Variants in KCNMB4 observed in about 807,000 individuals in gnomAD.
The protein encoded by KCNMB4 is potassium calcium-activated channel subfamily M regulatory beta subunit 4.
Under a neutral mutation model 20.7 loss-of-function variants are expected in KCNMB4, and 3 were observed. The ratio of observed to expected loss-of-function variants is 0.14; its 90% CI spans 0.07 to 0.37. KCNMB4 has a LOEUF of 0.37. Among genes scored for constraint, KCNMB4 ranks in the 10% least tolerant of loss-of-function variants. The probability of loss-of-function intolerance (pLI) is 1.00; values close to 1 mark genes in which losing one functional copy is unlikely to be tolerated. For synonymous variants in KCNMB4, 110 were observed against 113.4 expected (o/e 0.97, Z 0.19); for missense variants, 168 against 265.9 (o/e 0.63, Z 2.56).
rs537545030 is a variant in KCNMB4, at chr12:70,415,653, A to T, written c.465-14832A>T. Among the ~76,000 whole-genome samples the T allele has an allele frequency of 2.6e-5, 4 of 152,298 alleles. No individual in the cohort carries two copies. In the East Asian group the frequency reaches 7.7e-4, roughly 29 times the overall value. On this transcript the variant is annotated intron_variant, in intron 2 of 2. Transcript: ENST00000258111. ...TTCCCCATTTTTTCACCAAACTCTA[A>T]TCTGTTCTTTCATGTCTGCTGAAAA...
intron 1 of KCNMB4, among the ~76,000 whole-genome samples, chr12:70,375,726 G>A (rs944547401): frequency 6.6e-6 from 1 of 152,106 alleles, no homozygotes; most frequent in African/African-American, 2.4e-5. Context: ...TAGTAGTTCC[G>A]TGTTGGGGTT....
chr12:70,423,294 C>G (rs1454536005), intron 2 of KCNMB4, among the ~76,000 whole-genome samples: 1 of 152,160 alleles, frequency 6.6e-6, no homozygotes, highest in Admixed American at 6.5e-5. Context: ...TGGGCAGCAA[C>G]TCTTGTACAA....
At chr12:70,381,087 T>A (rs1394512452) in intron 1 of KCNMB4, among the ~76,000 whole-genome samples, 1 of 151,604 alleles carries the variant, frequency 6.6e-6, no homozygotes, top group Non-Finnish European at 1.5e-5. Flanking sequence ...GGGCAAAGGA[T>A]GTGAATAGTT....
Position 70,402,380 on chromosome 12 carries a change from C to T in KCNMB4, c.464+2044C>T, listed in dbSNP as rs553514766. ...ATGCAAGGCCAGGCATGGTGGTTCACGCCTGTAATCCCAACACCGTGGAAG... is the reference window on the plus strand; with the variant it reads ...ATGCAAGGCCAGGCATGGTGGTTCATGCCTGTAATCCCAACACCGTGGAAG... On this transcript the variant is annotated intron_variant, in intron 2 of 2. Transcript: ENST00000258111. Among the ~76,000 whole-genome samples, 7 of 152,108 alleles carry T rather than the reference C, an allele frequency of 4.6e-5. No homozygotes were observed. In the South Asian group the frequency reaches 1.2e-3, roughly 27 times the overall value.
chr12:70,419,707 G>T (rs1308253575), intron 2 of KCNMB4, among the ~76,000 whole-genome samples: 1 of 152,122 alleles, frequency 6.6e-6, no homozygotes, highest in Non-Finnish European at 1.5e-5. Flanking sequence ...GAAGAACCAA[G>T]AATCTTTGGG....
intron 2 of KCNMB4, among the ~76,000 whole-genome samples, chr12:70,423,674 C>G (rs1380127354): frequency 6.6e-6 from 1 of 152,074 alleles, no homozygotes; most frequent in East Asian, 1.9e-4. Context: ...GACAGGGTCT[C>G]CCTATGTTGC....
intron 2 of KCNMB4, among the ~76,000 whole-genome samples, chr12:70,423,113 A>AT (rs1375144730): frequency 2.6e-5 from 4 of 152,054 alleles, no homozygotes; most frequent in Admixed American, 6.6e-5. Flanking sequence ...CTACTGAATT[A>AT]TTTTTTTCCT....
chr12:70,400,689 C>T (rs773659252), intron 2 of KCNMB4, among the ~76,000 whole-genome samples: 21 of 152,132 alleles, frequency 1.4e-4, no homozygotes, highest in African/African-American at 4.3e-4. Flanking sequence ...TCTGATGAAG[C>T]GTCAATAACG....
intron 2 of KCNMB4, among the ~76,000 whole-genome samples, chr12:70,424,595 C>T (rs1869158849): frequency 6.6e-6 from 1 of 151,952 alleles, no homozygotes; most frequent in Non-Finnish European, 1.5e-5. Flanking sequence ...ACTAAACGTA[C>T]AAAAATTAGC....
rs758535497 is a variant in KCNMB4 at position 70,366,791 on chromosome 12, G to A, written c.57G>A (p.Arg19=). ...EYTEAEDKSI[R]LGLFLIISGV... Reference sequence around the variant, plus strand: ...CGGAAGCCGAGGACAAGAGCATCCGGCTCGGCTTGTTTCTCATCATCTCCG... The same window carrying A: ...CGGAAGCCGAGGACAAGAGCATCCGACTCGGCTTGTTTCTCATCATCTCCG... Residue 19 remains arginine (R), a synonymous_variant, in exon 1 of 3, where the codon CGG becomes CGA. Coordinates refer to ENST00000258111, the MANE Select transcript of KCNMB4 (RefSeq NM_014505.6). 1.2e-6 allele frequency: 2 copies of A among 1,611,944 alleles called. No individual in the cohort carries two copies. Among genetic ancestry groups the A allele is most frequent in the African/African-American group, 2.7e-5 (2 of 74,910 alleles).
In KCNMB4 at chr12:70,402,030, C is replaced by T. The variant is rs138589906; in HGVS notation, c.464+1694C>T. Among the ~76,000 whole-genome samples, 13 of 152,298 alleles carry T rather than the reference C, an allele frequency of 8.5e-5. No individual in the cohort carries two copies. In the East Asian group the frequency reaches 2.5e-3, roughly 29 times the overall value. On this transcript the variant is annotated intron_variant, in intron 2 of 2. Coordinates refer to ENST00000258111, the MANE Select transcript of KCNMB4 (RefSeq NM_014505.6). ...ACCACATTTAATCTACCACAGGATA[C>T]AAGGCTTCTCAAGATCTTGTCCCAG...
intron 2 of KCNMB4, among the ~76,000 whole-genome samples, chr12:70,403,180 C>CTTTTATTTTA (rs3049185): frequency 0.11 from 16,603 of 149,480 alleles, 1,214 homozygotes; most frequent in Middle Eastern, 0.23. Context: ...TAGTCATCGT[C>CTTTTATTTTA]TTTTATTTTA....
intron 1 of KCNMB4, among the ~76,000 whole-genome samples, chr12:70,381,768 G>C (rs1839312785): frequency 6.6e-6 from 1 of 152,150 alleles, no homozygotes; most frequent in Non-Finnish European, 1.5e-5. Context: ...GGTCTTTTTG[G>C]TGTAATGAAA....
intron 1 of KCNMB4, among the ~76,000 whole-genome samples, chr12:70,371,485 G>C (rs1883594649): frequency 6.6e-6 from 1 of 152,150 alleles, no homozygotes; most frequent in African/African-American, 2.4e-5. Context: ...CATTCAGTTT[G>C]ATACATTTTG....
At chr12:70,430,301 G>T (rs544446999) in intron 2 of KCNMB4, among the ~76,000 whole-genome samples, 184 bp from the exon 3 acceptor site, 1 of 152,252 alleles carries the variant, frequency 6.6e-6, no homozygotes, top group South Asian at 2.1e-4. Flanking sequence ...CCAATTACTT[G>T]ACTCAAGAGC....
intron 2 of KCNMB4, among the ~76,000 whole-genome samples, chr12:70,411,733 C>T (rs1868783714): frequency 6.6e-6 from 1 of 151,994 alleles, no homozygotes; most frequent in African/African-American, 2.4e-5. Flanking sequence ...CATTTGAGTC[C>T]AGGAGTTTAA....
intron 2 of KCNMB4, among the ~76,000 whole-genome samples, chr12:70,410,045 T>G (rs145655850): frequency 1.3e-5 from 2 of 152,296 alleles, no homozygotes; most frequent in East Asian, 3.9e-4. Context: ...ATGCCTTTGC[T>G]CCTGTCTCTT....
chr12:70,375,879 G>C (rs1883676382), intron 1 of KCNMB4, among the ~76,000 whole-genome samples: 1 of 152,010 alleles, frequency 6.6e-6, no homozygotes, highest in South Asian at 2.1e-4. Context: ...ATTTATACAG[G>C]ATATATGTCT....
intron 1 of KCNMB4, among the ~76,000 whole-genome samples, chr12:70,371,145 A>G (rs1043223361): frequency 3.9e-5 from 6 of 152,112 alleles, no homozygotes; most frequent in African/African-American, 9.7e-5. Flanking sequence ...GCGTGAGCCA[A>G]CACGCCCGGT....
Sources: allele counts gnomAD v4.1 joint callset (sites outside exome capture counted in the v4.1 genomes callset), GRCh38; gene constraint gnomAD v4.1.1; transcripts MANE v1.5; gene names NCBI Gene and HGNC (gene_info 2026-07-23, HGNC 2026-07-21).